The following SLC2A12 variants were observed in gnomAD, a reference collection of about 807,000 sequenced individuals.
SLC2A12 encodes the protein solute carrier family 2 member 12.
SLC2A12 carries 23 observed loss-of-function variants against 41.8 expected under a neutral mutation model. The ratio of observed to expected loss-of-function variants is 0.55; its 90% CI spans 0.40 to 0.78. SLC2A12 has a LOEUF of 0.78. SLC2A12 is among the 30% of genes least tolerant of loss of function. The pLI is 0.00. For missense variants in SLC2A12, 654 were observed against 745.6 expected, an observed-to-expected ratio of 0.88 and a Z score of 1.43; for synonymous variants, 295 against 285.9, an observed-to-expected ratio of 1.03 and a Z score of -0.32.
chr6:134,017,727 G>A (rs1173229069), intron 2 of SLC2A12, among the ~76,000 whole-genome samples: 2 of 151,992 alleles, frequency 1.3e-5, no homozygotes, highest in Non-Finnish European at 2.9e-5. Flanking sequence ...GGTGGCGGGC[G>A]CCTGTAGTCC....
intron 2 of SLC2A12, among the ~76,000 whole-genome samples, chr6:134,026,413 T>C (rs1389599077): frequency 6.6e-6 from 1 of 152,288 alleles, no homozygotes; most frequent in African/African-American, 2.4e-5. Flanking sequence ...CTATATCTCG[T>C]CCTTCTGCTT....
rs1777167346 is a variant in SLC2A12, at chr6:134,029,505, C to A, written c.320G>T (p.Arg107Met). The change falls in exon 2 of 5, where the codon AGG becomes ATG. Residue 107 changes from arginine to methionine, a missense_variant. Arg to Met is a moderately conservative substitution (Grantham distance 91, BLOSUM62 -1). Transcript: ENST00000275230. ...GGVLIDRYGRRTAIILSSCLL... is the reference protein window; with the variant it reads ...GGVLIDRYGRMTAIILSSCLL... ...GCAGGATGACAAGATGATTGCTGTC[C>A]TTCTTCCATATCTGTCTATCAGGAC... 1.2e-6 allele frequency: 2 copies of A among 1,614,152 alleles called. No homozygotes were observed. The highest frequency in any genetic ancestry group is 1.7e-6 in the Non-Finnish European group (2 of 1,180,016).
At chr6:133,999,904 G>A (rs1324002907) in intron 4 of SLC2A12, among the ~76,000 whole-genome samples, 1 of 152,202 alleles carries the variant, frequency 6.6e-6, no homozygotes, top group Non-Finnish European at 1.5e-5. Context: ...CGGTGTCCTG[G>A]CATCTCAGTT....
intron 1 of SLC2A12, among the ~76,000 whole-genome samples, chr6:134,047,057 G>T (rs758368113): frequency 9.2e-5 from 14 of 152,160 alleles, no homozygotes; most frequent in Non-Finnish European, 1.9e-4. Flanking sequence ...GGGAAGAAGG[G>T]ATGAAAAATC....
At chr6:134,037,955 T>C (rs996782888) in intron 1 of SLC2A12, among the ~76,000 whole-genome samples, 5 of 152,178 alleles carry the variant, frequency 3.3e-5, no homozygotes, top group Non-Finnish European at 7.3e-5. Flanking sequence ...GGACCCTGCA[T>C]GGCCATGCCT....
intron 1 of SLC2A12, among the ~76,000 whole-genome samples, chr6:134,034,897 C>A (rs1413819130): frequency 2.6e-5 from 4 of 152,154 alleles, no homozygotes; most frequent in Non-Finnish European, 5.9e-5. Flanking sequence ...GGCTTTGCTT[C>A]ACAGGGGCCC....
intron 2 of SLC2A12, among the ~76,000 whole-genome samples, chr6:134,007,858 G>A (rs542368420): frequency 6.6e-6 from 1 of 152,186 alleles, no homozygotes; most frequent in Non-Finnish European, 1.5e-5. Context: ...GCTTAGAAGA[G>A]TTACTTGCCA....
chr6:134,030,665 G>A (rs1777192032), intron 1 of SLC2A12, among the ~76,000 whole-genome samples: 1 of 152,168 alleles, frequency 6.6e-6, no homozygotes, highest in African/African-American at 2.4e-5. Context: ...CAAGGCCTTA[G>A]GACAGGAAAG....
At chr6:134,006,333 G>A (rs958043841) in intron 3 of SLC2A12, among the ~76,000 whole-genome samples, 2 of 152,010 alleles carry the variant, frequency 1.3e-5, no homozygotes, top group African/African-American at 4.8e-5. Flanking sequence ...TATAGTGGGG[G>A]TGAGGAGATG....
intron 2 of SLC2A12, among the ~76,000 whole-genome samples, chr6:134,007,820 A>G (rs1026941): frequency 1.3e-5 from 2 of 151,882 alleles, no homozygotes; most frequent in Non-Finnish European, 2.9e-5. Context: ...ACTATTACGA[A>G]ACCTCTTTTA....
chr6:134,017,590 C>T (rs1033824604), intron 2 of SLC2A12, among the ~76,000 whole-genome samples: 1 of 152,088 alleles, frequency 6.6e-6, no homozygotes, highest in East Asian at 1.9e-4. Flanking sequence ...CGGTGACTCA[C>T]GCCTGTAATC....
At chr6:134,018,318 C>T (rs1031631802) in intron 2 of SLC2A12, among the ~76,000 whole-genome samples, 4 of 152,154 alleles carry the variant, frequency 2.6e-5, no homozygotes, top group Non-Finnish European at 5.9e-5. Context: ...ACTCGACAGG[C>T]CATCAAGTGG....
At position 134,000,554 on chromosome 6, in the gene SLC2A12, G is replaced by A. The variant is rs1313833773; in HGVS notation, c.1700+1443C>T. On this transcript the variant is annotated intron_variant, in intron 4 of 4. Coordinates refer to ENST00000275230, the MANE Select transcript of SLC2A12 (RefSeq NM_145176.3). ...GAAAATCACAAATTGTGAAAATGTA[G>A]TTTCCTCCCATTATATTAAAACCCA... Among the ~76,000 whole-genome samples the A allele has an allele frequency of 2.6e-5, 4 of 152,270 alleles. No homozygotes were observed. The East Asian group carries it at 5.8e-4, about 22-fold the overall frequency.
chr6:134,038,985 G>A (rs145430143), intron 1 of SLC2A12, among the ~76,000 whole-genome samples: 52 of 152,178 alleles, frequency 3.4e-4, no homozygotes, highest in African/African-American at 1.0e-3. Context: ...GATTACAGGC[G>A]TGAGCTATCG....
intron 3 of SLC2A12, among the ~76,000 whole-genome samples, 164 bp from the exon 4 acceptor site, chr6:134,002,293 G>A (rs1776762908): frequency 6.6e-6 from 1 of 151,962 alleles, no homozygotes; most frequent in South Asian, 2.1e-4. Context: ...CAGCTCTGAA[G>A]GTGTTACTTT....
intron 1 of SLC2A12, among the ~76,000 whole-genome samples, chr6:134,031,226 T>G (rs994518126): frequency 1.3e-5 from 2 of 151,986 alleles, no homozygotes; most frequent in African/African-American, 4.8e-5. Flanking sequence ...ACCCCATCAC[T>G]ATTAAAAGTA....
intron 2 of SLC2A12, among the ~76,000 whole-genome samples, chr6:134,012,472 G>A (rs1439949976): frequency 2.0e-5 from 3 of 152,068 alleles, no homozygotes; most frequent in African/African-American, 4.8e-5. Flanking sequence ...TGTGTGGCCT[G>A]GAATTTTAAT....
intron 1 of SLC2A12, among the ~76,000 whole-genome samples, chr6:134,039,630 A>G (rs993738942): frequency 2.0e-5 from 3 of 152,130 alleles, no homozygotes; most frequent in African/African-American, 7.2e-5. Context: ...TTTTTTTTTA[A>G]TCACAATTGA....
intron 2 of SLC2A12, 144 bp downstream of exon 2, chr6:134,028,237 C>A: frequency 9.0e-7 from 1 of 1,110,788 alleles, no homozygotes; most frequent in Admixed American, 2.5e-5. Flanking sequence ...CAGATATAAG[C>A]CAAGCATACT....
Sources: gnomAD v4.1 joint callset for allele counts (sites outside exome capture counted in the v4.1 genomes callset) on GRCh38, gnomAD v4.1.1 for gene constraint, MANE v1.5 for transcripts, NCBI Gene and HGNC (gene_info 2026-07-23, HGNC 2026-07-21) for gene names.